The following RNF130 variants were observed in gnomAD, a reference collection of about 807,000 sequenced individuals.
RNF130 encodes the protein ring finger protein 130.
In RNF130, 21 loss-of-function variants were observed where a neutral mutation model predicts 44.6. The observed-to-expected ratio is 0.47, with a 90% CI of 0.33 to 0.68. The LOEUF (loss-of-function observed/expected upper bound fraction) is 0.68. Among genes scored for constraint, RNF130 ranks in the 30% least tolerant of loss-of-function variants. RNF130 has a pLI of 0.02. For missense variants in RNF130, 479 were observed against 560.6 expected (o/e 0.85, Z 1.47); for synonymous variants, 214 against 210.4 (o/e 1.02, Z -0.15).
chr5:180,032,407 T>A, intron 2 of RNF130, among the ~76,000 whole-genome samples: 1 of 152,148 alleles, frequency 6.6e-6, no homozygotes, highest in Middle Eastern at 3.2e-3. Context: ...AATCTTGCTC[T>A]GTGGCTCACC....
chr5:180,011,406 A>G (rs1486378216), intron 3 of RNF130, among the ~76,000 whole-genome samples: 4 of 152,248 alleles, frequency 2.6e-5, no homozygotes. Flanking sequence ...TATAAAATAT[A>G]TAACAAAGTA....
Position 180,015,399 on chromosome 5 carries a change from C to T in RNF130, c.443-2088G>A, listed in dbSNP as rs180849207. ...GCTTTATAATCACACCAGGTACAAACGGTTTTAGAAATCAGTTGAGGCTCC... is the reference window on the plus strand; with the variant it reads ...GCTTTATAATCACACCAGGTACAAATGGTTTTAGAAATCAGTTGAGGCTCC... On this transcript the variant is annotated intron_variant, in intron 2 of 8. Coordinates refer to ENST00000521389, the MANE Select transcript of RNF130 (RefSeq NM_018434.6). 198 of 524,146 alleles carry T rather than the reference C, an allele frequency of 3.8e-4. 2 individuals carry two copies. The highest frequency in any genetic ancestry group is 6.9e-4 in the African/African-American group (36 of 51,826). 32.5% of individuals were successfully genotyped at this position (524,146 alleles called of 1,614,324 possible). A position where few individuals can be genotyped will look rare whatever the true frequency, so the allele number is the denominator to read the frequency against.
intron 5 of RNF130, among the ~76,000 whole-genome samples, chr5:179,974,667 C>G (rs750798583): frequency 1.3e-5 from 2 of 152,224 alleles, no homozygotes; most frequent in Non-Finnish European, 2.9e-5. Flanking sequence ...GCAGGTGTGA[C>G]AGCAGACGCT....
chr5:180,043,285 G>A (rs561245061), intron 1 of RNF130, among the ~76,000 whole-genome samples: 2 of 152,120 alleles, frequency 1.3e-5, no homozygotes, highest in African/African-American at 2.4e-5. Context: ...TGATCATGTC[G>A]CTGCACTCCA....
chr5:180,031,937 T>C (rs1375105011), intron 2 of RNF130, among the ~76,000 whole-genome samples: 1 of 152,254 alleles, frequency 6.6e-6, no homozygotes, highest in Non-Finnish European at 1.5e-5. Context: ...TTTTTAATTA[T>C]GATCATTCTA....
At chr5:179,980,274 A>G in intron 3 of RNF130, 74 bp from the exon 4 acceptor site, 2 of 1,386,356 alleles carry the variant, frequency 1.4e-6, no homozygotes, top group Non-Finnish European at 2.1e-6. Context: ...TTAAGCAATT[A>G]AAAGTATAAA....
intron 7 of RNF130, among the ~76,000 whole-genome samples, chr5:179,944,906 C>CA (rs1307842521): frequency 6.6e-6 from 1 of 152,162 alleles, no homozygotes; most frequent in African/African-American, 2.4e-5. Context: ...AGATAAGGCA[C>CA]ATATATTTGC....
At chr5:179,922,249 G>T (rs73340210) in intron 7 of RNF130, among the ~76,000 whole-genome samples, 6,563 of 149,652 alleles carry the variant, frequency 0.044, 614 homozygotes, top group African/African-American at 0.16. Context: ...GTGTATCTTC[G>T]TTTGTGAAGT....
chr5:179,987,358 G>GGGGTCTCCC (rs1002854546), intron 3 of RNF130, among the ~76,000 whole-genome samples: 3 of 152,136 alleles, frequency 2.0e-5, no homozygotes, highest in Non-Finnish European at 4.4e-5. Flanking sequence ...TGTGGAGAAA[G>GGGGTCTCCC]GGGTCTCCCC....
chr5:180,049,713 G>A (rs190460506), intron 1 of RNF130, among the ~76,000 whole-genome samples: 1 of 152,256 alleles, frequency 6.6e-6, no homozygotes, highest in East Asian at 1.9e-4. Context: ...AGTCTCAACT[G>A]CCACGCTTAG....
chr5:179,962,666 T>C (rs1561670725), intron 8 of RNF130, among the ~76,000 whole-genome samples: 1 of 152,130 alleles, frequency 6.6e-6, no homozygotes, highest in African/African-American at 2.4e-5. Context: ...CTATACCTTA[T>C]CCCTATGGAA....
chr5:179,981,535 C>T (rs190412108), intron 3 of RNF130, among the ~76,000 whole-genome samples: 2,522 of 152,266 alleles, frequency 0.017, 72 homozygotes, highest in African/African-American at 0.058. Context: ...CAGTACTTTA[C>T]TTCTATTTTT....
intron 2 of RNF130, among the ~76,000 whole-genome samples, chr5:180,014,508 T>A (rs987400515): frequency 1.3e-5 from 2 of 152,158 alleles, no homozygotes; most frequent in Non-Finnish European, 2.9e-5. Context: ...GAATAAGGTT[T>A]GTACATATCA....
At chr5:179,974,546 C>T (rs1762673030) in intron 5 of RNF130, among the ~76,000 whole-genome samples, 1 of 152,202 alleles carries the variant, frequency 6.6e-6, no homozygotes, top group African/African-American at 2.4e-5. Context: ...CCATGAGCGG[C>T]TTGACAGCTC....
chr5:180,024,899 T>C lies in RNF130; in HGVS notation c.443-11588A>G, dbSNP rs144633880. Among the ~76,000 whole-genome samples the C allele has an allele frequency of 7.1e-4, 108 of 152,288 alleles. 1 individual carries two copies. The East Asian group carries it at 0.012, about 17-fold the overall frequency. On this transcript the variant is annotated intron_variant, in intron 2 of 8. Coordinates refer to ENST00000521389, the MANE Select transcript of RNF130 (RefSeq NM_018434.6). ...CTCAACAGGGGCAGTAAAGCTCTCC[T>C]GGGGGTGTCTGGAAGCCCTGTGGGA... is the stretch of plus-strand genomic sequence containing the variant.
intron 7 of RNF130, among the ~76,000 whole-genome samples, chr5:179,929,210 G>C (rs900340191): frequency 1.3e-5 from 2 of 152,164 alleles, no homozygotes; most frequent in Non-Finnish European, 2.9e-5. Context: ...GCACCATCTT[G>C]AAAAGACCAT....
intron 7 of RNF130, among the ~76,000 whole-genome samples, chr5:179,945,637 G>A (rs1213872033): frequency 6.6e-6 from 1 of 152,138 alleles, no homozygotes; most frequent in Non-Finnish European, 1.5e-5. Context: ...TCAATACAAA[G>A]CACTGAGAGG....
At chr5:180,050,847 G>A (rs6884290) in intron 1 of RNF130, among the ~76,000 whole-genome samples, 56,199 of 151,902 alleles carry the variant, frequency 0.37, 11,260 homozygotes, top group South Asian at 0.61. Context: ...TCACTCTGTC[G>A]CCCAGGGTGG....
At chr5:180,007,723 G>A (rs1033404321) in intron 3 of RNF130, among the ~76,000 whole-genome samples, 2 of 152,162 alleles carry the variant, frequency 1.3e-5, no homozygotes, top group African/African-American at 2.4e-5. Context: ...TAGGAAACAA[G>A]CTCGCAGTTT....
Sources: allele counts gnomAD v4.1 joint callset (sites outside exome capture counted in the v4.1 genomes callset), GRCh38; gene constraint gnomAD v4.1.1; transcripts MANE v1.5; gene names NCBI Gene and HGNC (gene_info 2026-07-23, HGNC 2026-07-21).